The following TOM1L2 variants were observed in gnomAD, a reference collection of about 807,000 sequenced individuals.
The protein encoded by TOM1L2 is target of myb1 like 2 membrane trafficking protein.
Under a neutral mutation model 67.9 loss-of-function variants are expected in TOM1L2, and 31 were observed. That is an observed-to-expected ratio of 0.46 (90% confidence interval 0.34 to 0.62). TOM1L2 has a LOEUF of 0.62. Ranked by LOEUF, TOM1L2 falls within the 20% of genes least tolerant of loss-of-function variation. TOM1L2 has a pLI of 0.01. For synonymous variants in TOM1L2, 256 were observed against 254.0 expected (o/e 1.01, Z -0.07); for missense variants, 606 against 663.5 (o/e 0.91, Z 0.95).
intron 1 of TOM1L2, among the ~76,000 whole-genome samples, chr17:17,930,533 A>G (rs1004243833): frequency 6.6e-6 from 1 of 152,168 alleles, no homozygotes; most frequent in Non-Finnish European, 1.5e-5. Context: ...ACCCTTCCCC[A>G]GCAGCCTCTT....
At chr17:17,863,394 G>A (rs1176244877) in intron 10 of TOM1L2, 2 of 154,608 alleles carry the variant, frequency 1.3e-5, no homozygotes, top group Non-Finnish European at 2.9e-5. Flanking sequence ...GGGTCTGTAA[G>A]GATAATGAGG....
chr17:17,847,815 T>G, intron 14 of TOM1L2, 32 bp from the exon 15 acceptor site: 1 of 1,613,318 alleles, frequency 6.2e-7, no homozygotes. Flanking sequence ...GGGTCAGGGT[T>G]GGTGAGGGCA....
At chr17:17,962,832 G>A (rs572860812) in intron 1 of TOM1L2, among the ~76,000 whole-genome samples, 5 of 151,964 alleles carry the variant, frequency 3.3e-5, no homozygotes, top group South Asian at 2.1e-4. Context: ...GTGGTGGCGC[G>A]TGCCTGTAGT....
At chr17:17,879,508 C>T in intron 7 of TOM1L2, 119 bp downstream of exon 7, 2 of 773,810 alleles carry the variant, frequency 2.6e-6, no homozygotes, top group Non-Finnish European at 2.3e-6. Context: ...CATGGACTAT[C>T]AACAACAGGG....
intron 12 of TOM1L2, among the ~76,000 whole-genome samples, chr17:17,853,464 TTTAA>T (rs1288077646): frequency 2.6e-5 from 4 of 152,234 alleles, no homozygotes; most frequent in Non-Finnish European, 5.9e-5. Context: ...GGGGTCATAC[TTTAA>T]TTTTCTTCTT....
chr17:17,937,575 A>G (rs921580276), intron 1 of TOM1L2, among the ~76,000 whole-genome samples: 7 of 152,010 alleles, frequency 4.6e-5, no homozygotes, highest in African/African-American at 2.4e-5. Flanking sequence ...GTGATTGAGG[A>G]CCCCAAGTCA....
intron 1 of TOM1L2, among the ~76,000 whole-genome samples, chr17:17,933,732 C>T (rs575804931): frequency 1.1e-4 from 17 of 152,238 alleles, no homozygotes; most frequent in Non-Finnish European, 2.2e-4. Context: ...CCTTCCCCTA[C>T]AAGTCACCCA....
At chr17:17,928,510 A>G (rs968686442) in intron 1 of TOM1L2, among the ~76,000 whole-genome samples, 1 of 152,248 alleles carries the variant, frequency 6.6e-6, no homozygotes, top group African/African-American at 2.4e-5. Context: ...AAAAGAGAAC[A>G]CAGAAGGCGA....
intron 2 of TOM1L2, 62 bp from the exon 3 acceptor site, chr17:17,898,736 G>T: frequency 6.5e-7 from 1 of 1,546,086 alleles, no homozygotes; most frequent in Non-Finnish European, 8.9e-7. Context: ...CGATCCTACA[G>T]ATATGTGAAC....
In TOM1L2 at chr17:17,966,648, G is replaced by A. The variant is rs913612426; in HGVS notation, c.52+5614C>T. Among the ~76,000 whole-genome samples, 9 of 152,196 alleles carry A rather than the reference G, an allele frequency of 5.9e-5. 1 individual carries two copies. Among genetic ancestry groups the A allele is most frequent in the Admixed American group, 2.6e-4 (4 of 15,278 alleles). Reference sequence around the variant, plus strand: ...TAACATAAATGGCAGCACAGAATGAGCACTGGATCAGGAGTAGATTCTAGG... The same window carrying A: ...TAACATAAATGGCAGCACAGAATGAACACTGGATCAGGAGTAGATTCTAGG... On this transcript the variant is annotated intron_variant, in intron 1 of 14. Transcript: ENST00000379504.
intron 2 of TOM1L2, among the ~76,000 whole-genome samples, chr17:17,900,701 T>C (rs1040188966): frequency 2.6e-5 from 4 of 152,176 alleles, no homozygotes; most frequent in Admixed American, 6.5e-5. Flanking sequence ...CAAGGCTCCA[T>C]GGGGACTGGG....
intron 4 of TOM1L2, among the ~76,000 whole-genome samples, chr17:17,884,978 C>T (rs914522135): frequency 1.3e-5 from 2 of 152,196 alleles, no homozygotes; most frequent in African/African-American, 2.4e-5. Flanking sequence ...TGCTGCTGAG[C>T]GTGAACAAAA....
At chr17:17,969,614 T>C (rs187277095) in intron 1 of TOM1L2, among the ~76,000 whole-genome samples, 62 of 152,296 alleles carry the variant, frequency 4.1e-4, no homozygotes, top group Admixed American at 2.3e-3. Context: ...TCATCATCTT[T>C]AGTCAAGCAT....
intron 1 of TOM1L2, among the ~76,000 whole-genome samples, chr17:17,933,172 G>C (rs2040399799): frequency 6.6e-6 from 1 of 152,058 alleles, no homozygotes; most frequent in Admixed American, 6.5e-5. Flanking sequence ...TGCCATCCTT[G>C]GCCTGAGGCT....
chr17:17,918,706 C>A (rs372623468), intron 1 of TOM1L2, among the ~76,000 whole-genome samples: 2 of 152,188 alleles, frequency 1.3e-5, no homozygotes, highest in African/African-American at 4.8e-5. Context: ...GAGAGGCCCT[C>A]TGATGGGCTC....
At chr17:17,860,509 C>T (rs752566122) in intron 12 of TOM1L2, among the ~76,000 whole-genome samples, 9 of 152,206 alleles carry the variant, frequency 5.9e-5, no homozygotes, top group Non-Finnish European at 1.2e-4. Flanking sequence ...ACCAGCACTG[C>T]TGCCTGCCTG....
chr17:17,899,453 G>A (rs757107426), intron 2 of TOM1L2, among the ~76,000 whole-genome samples: 1 of 152,236 alleles, frequency 6.6e-6, no homozygotes, highest in African/African-American at 2.4e-5. Context: ...CTGTCCAAAA[G>A]TTGGAGTGGA....
intron 1 of TOM1L2, among the ~76,000 whole-genome samples, chr17:17,918,126 GTTTTC>G (rs1330996066): frequency 2.6e-5 from 4 of 151,998 alleles, no homozygotes; most frequent in Non-Finnish European, 4.4e-5. Context: ...AAATGGAATT[GTTTTC>G]TTTTCTTTTC....
intron 7 of TOM1L2, chr17:17,869,779 T>G: frequency 2.5e-6 from 2 of 800,958 alleles, no homozygotes; most frequent in Non-Finnish European, 3.1e-6. Context: ...TTGCTTTTTC[T>G]CAACAAAATA....
Sources: gnomAD v4.1 joint callset for allele counts (sites outside exome capture counted in the v4.1 genomes callset) on GRCh38, gnomAD v4.1.1 for gene constraint, MANE v1.5 for transcripts, NCBI Gene and HGNC (gene_info 2026-07-23, HGNC 2026-07-21) for gene names.